The following KCNIP3 variants were observed in gnomAD, a reference collection of about 807,000 sequenced individuals.
KCNIP3 encodes the protein calsenilin.
In KCNIP3, 28 loss-of-function variants were observed where a neutral mutation model predicts 35.0. The observed-to-expected ratio is 0.80, with a 90% CI of 0.59 to 1.10. KCNIP3 has a LOEUF of 1.10. KCNIP3 is among the 50% of genes least tolerant of loss of function. The pLI is 0.00. For missense variants in KCNIP3, 295 were observed against 338.4 expected (o/e 0.87, Z 1.01); for synonymous variants, 134 against 133.8 (o/e 1.00, Z -0.01).
chr2:95,370,834 A>T (rs1172977437), intron 2 of KCNIP3, among the ~76,000 whole-genome samples: 1 of 151,728 alleles, frequency 6.6e-6, no homozygotes, highest in East Asian at 1.9e-4. Context: ...ATCTCTGCTC[A>T]CTGCAATCTC....
chr2:95,355,492 T>C (rs1196079201), intron 2 of KCNIP3, among the ~76,000 whole-genome samples: 1 of 152,072 alleles, frequency 6.6e-6, no homozygotes, highest in Non-Finnish European at 1.5e-5. Context: ...CTATCCCTCC[T>C]CCAGCCCCCC....
At chr2:95,339,445 A>G (rs1679139257) in intron 2 of KCNIP3, among the ~76,000 whole-genome samples, 1 of 152,150 alleles carries the variant, frequency 6.6e-6, no homozygotes, top group Admixed American at 6.5e-5. Flanking sequence ...TTAGCTGGGC[A>G]TGGTGGTGCA....
In KCNIP3 at chr2:95,354,582, C is replaced by G. The variant is rs371238026; in HGVS notation, c.182-19714C>G. 4.6e-5 allele frequency among the ~76,000 whole-genome samples: 7 copies of G among 152,180 alleles called. No homozygotes were observed. The South Asian group carries it at 6.2e-4, about 13-fold the overall frequency. ...GATGTGCAGGGTCTGGCCCACTGCC[C>G]TTGCTCCTCCATCCTGGGAGGTGAC... On this transcript the variant is annotated intron_variant, in intron 2 of 8. Transcript: ENST00000295225.
intron 2 of KCNIP3, among the ~76,000 whole-genome samples, chr2:95,325,679 ACT>A (rs1179490419): frequency 1.3e-5 from 2 of 151,606 alleles, no homozygotes; most frequent in Non-Finnish European, 2.9e-5. Flanking sequence ...ACACATACAC[ACT>A]CATACACATA....
intron 2 of KCNIP3, among the ~76,000 whole-genome samples, chr2:95,315,107 A>C (rs1678419671): frequency 2.0e-5 from 3 of 151,944 alleles, no homozygotes; most frequent in Admixed American, 2.0e-4. Context: ...CTTGGGATCT[A>C]TGGCGTGGAG....
Position 95,344,056 on chromosome 2 carries a change from A to C in KCNIP3, c.182-30240A>C, listed in dbSNP as rs1332136863. 4.6e-5 allele frequency among the ~76,000 whole-genome samples: 7 copies of C among 152,000 alleles called. No individual in the cohort carries two copies. In the East Asian group the frequency reaches 1.4e-3, roughly 29 times the overall value. The stretch of plus-strand genomic sequence containing the variant: ...AACTGCTCCCTCCACATTGCCCCTC[A>C]ACTTGTCCCCACCTCTGGGGCAGTC... On this transcript the variant is annotated intron_variant, in intron 2 of 8. Coordinates refer to ENST00000295225, the MANE Select transcript of KCNIP3 (RefSeq NM_013434.5).
intron 2 of KCNIP3, among the ~76,000 whole-genome samples, chr2:95,353,729 T>G (rs1181665786): frequency 1.3e-5 from 2 of 152,196 alleles, no homozygotes; most frequent in Non-Finnish European, 2.9e-5. Flanking sequence ...GCGAGGCTGA[T>G]GCAGCCCGAC....
At chr2:95,336,947 T>G (rs6744596) in intron 2 of KCNIP3, among the ~76,000 whole-genome samples, 149,243 of 152,220 alleles carry the variant, frequency 0.98, 73,181 homozygotes, top group East Asian at 1. Context: ...TCAACATCGC[T>G]GCAGTTGTTC....
chr2:95,338,211 G>C (rs1366814305), intron 2 of KCNIP3, among the ~76,000 whole-genome samples: 1 of 152,248 alleles, frequency 6.6e-6, no homozygotes, highest in Non-Finnish European at 1.5e-5. Context: ...CCTCTCACCA[G>C]CTGTGGACAC....
Position 95,310,500 on chromosome 2 carries a change from G to A in KCNIP3, c.161G>A (p.Ser54Asn), listed in dbSNP as rs767343155. The A allele has an allele frequency of 9.3e-6, 15 of 1,612,684 alleles. 1 individual carries two copies. The South Asian group carries it at 1.6e-4, about 18-fold the overall frequency. Residue 54 changes from serine to asparagine, a missense_variant, in exon 2 of 9, where the codon AGC becomes AAC. By Grantham distance (46) the Ser-to-Asn change is conservative. Transcript: ENST00000295225. Reference sequence around the variant, plus strand: ...TGCCTGGTCAAGTGGATCCTGTCCAGCACAGCCCCACAGGGCTCAGGTAGG... The same window carrying A: ...TGCCTGGTCAAGTGGATCCTGTCCAACACAGCCCCACAGGGCTCAGGTAGG... ...RCCLVKWILS[S>N]TAPQGSDSSD...
intron 2 of KCNIP3, among the ~76,000 whole-genome samples, chr2:95,315,967 G>T (rs1186094055): frequency 2.0e-5 from 3 of 152,226 alleles, no homozygotes; most frequent in Non-Finnish European, 2.9e-5. Flanking sequence ...ATACTCGATT[G>T]CTGTTGGGTG....
intron 5 of KCNIP3, 55 bp from the exon 6 acceptor site, chr2:95,381,541 A>G (rs1680342917): frequency 4.5e-6 from 6 of 1,319,952 alleles, no homozygotes; most frequent in Non-Finnish European, 6.6e-6. Flanking sequence ...AGCAACTGGA[A>G]CTAGAACCTG....
intron 2 of KCNIP3, among the ~76,000 whole-genome samples, chr2:95,359,130 T>A (rs1679729380): frequency 6.6e-6 from 1 of 152,108 alleles, no homozygotes; most frequent in South Asian, 2.1e-4. Flanking sequence ...ACATACAAAA[T>A]ATATTCATTC....
intron 2 of KCNIP3, chr2:95,347,171 G>A (rs1351678728): frequency 2.7e-6 from 4 of 1,495,732 alleles, no homozygotes; most frequent in African/African-American, 1.4e-5. Context: ...CAGACCAGTG[G>A]TCTGGAGGGA....
intron 5 of KCNIP3, among the ~76,000 whole-genome samples, chr2:95,380,938 G>T (rs1680321500): frequency 6.6e-6 from 1 of 152,192 alleles, no homozygotes; most frequent in South Asian, 2.1e-4. Context: ...CTTGAGCCTG[G>T]GAGTTTGGGA....
chr2:95,349,393 A>T (rs1679456193), intron 2 of KCNIP3, among the ~76,000 whole-genome samples: 1 of 152,174 alleles, frequency 6.6e-6, no homozygotes, highest in African/African-American at 2.4e-5. Context: ...GACCAGAGTT[A>T]TGGTGCCCTG....
At chr2:95,332,134 A>G (rs1468346031) in intron 2 of KCNIP3, among the ~76,000 whole-genome samples, 2 of 152,216 alleles carry the variant, frequency 1.3e-5, no homozygotes, top group Admixed American at 1.3e-4. Context: ...GGCACAGGCC[A>G]AGGAATCCAG....
rs996158463 is a variant in KCNIP3, at chr2:95,376,865, G to A, written c.447+1657G>A. On this transcript the variant is annotated intron_variant, in intron 5 of 8. Coordinates refer to ENST00000295225, the MANE Select transcript of KCNIP3 (RefSeq NM_013434.5). The surrounding 1 kb of genome is among the most constrained non-coding windows in gnomAD (Gnocchi z 4.2). ...TGCGTCTGTAATGCAAGGCAACCCT[G>A]CATGACACTGTCTGCAATGATTCTG... Among the ~76,000 whole-genome samples, 1 of 152,186 alleles carries A rather than the reference G, an allele frequency of 6.6e-6. No homozygotes were observed. Among genetic ancestry groups the A allele is most frequent in the Non-Finnish European group, 1.5e-5 (1 of 68,036 alleles).
chr2:95,348,710 C>T (rs1679439825), intron 2 of KCNIP3, among the ~76,000 whole-genome samples: 1 of 152,206 alleles, frequency 6.6e-6, no homozygotes, highest in African/African-American at 2.4e-5. Flanking sequence ...AAACCCCATT[C>T]AGGCTCCCAT....
Sources: gnomAD v4.1 joint callset for allele counts (sites outside exome capture counted in the v4.1 genomes callset) on GRCh38, gnomAD v4.1.1 for gene constraint, Gnocchi (gnomAD v3.1) non-coding constraint, MANE v1.5 for transcripts, NCBI Gene and HGNC (gene_info 2026-07-23, HGNC 2026-07-21) for gene names.